The following CADM2 variants were observed in gnomAD, a reference collection of about 807,000 sequenced individuals.
CADM2 encodes immunoglobulin superfamily member 4D.
A neutral mutation model predicts 49.8 loss-of-function variants in CADM2; 12 were observed. The ratio of observed to expected loss-of-function variants is 0.24; its 90% confidence interval spans 0.15 to 0.39. CADM2 has a LOEUF of 0.39. Ranked by LOEUF, CADM2 falls within the 10% of genes least tolerant of loss-of-function variation. CADM2 has a pLI of 1.00. For synonymous variants in CADM2, 214 were observed against 175.4 expected (o/e 1.22, Z -1.74); for missense variants, 378 against 492.3 (o/e 0.77, Z 2.20).
chr3:85,941,557 G>A (rs1375609909), intron 7 of CADM2, among the ~76,000 whole-genome samples: 1 of 151,998 alleles, frequency 6.6e-6, no homozygotes, highest in Non-Finnish European at 1.5e-5. Context: ...ATCCAAAATA[G>A]TTAAAACGAG....
At chr3:85,999,430 G>A (rs1729864835) in intron 8 of CADM2, among the ~76,000 whole-genome samples, 1 of 151,844 alleles carries the variant, frequency 6.6e-6, no homozygotes, top group Non-Finnish European at 1.5e-5. Flanking sequence ...ACTTGAACCC[G>A]GGAGGTGAAG....
intron 2 of CADM2, among the ~76,000 whole-genome samples, chr3:85,747,329 A>C (rs539057294): frequency 6.6e-6 from 1 of 152,162 alleles, no homozygotes; most frequent in Non-Finnish European, 1.5e-5. Flanking sequence ...ATGATCACCT[A>C]TGAATAGTTA....
At chr3:85,400,207 C>A (rs966157008) in intron 1 of CADM2, among the ~76,000 whole-genome samples, 13 of 152,100 alleles carry the variant, frequency 8.5e-5, no homozygotes, top group African/African-American at 2.4e-4. Flanking sequence ...TTGAGATAAT[C>A]ATGTGGTTTT....
intron 1 of CADM2, among the ~76,000 whole-genome samples, chr3:85,319,278 A>G (rs1489528912): frequency 1.3e-5 from 2 of 152,196 alleles, no homozygotes; most frequent in Non-Finnish European, 2.9e-5. Context: ...AATGGCTATT[A>G]AAAAGTCAAA....
At chr3:85,940,560 T>A (rs533965394) in intron 7 of CADM2, among the ~76,000 whole-genome samples, 1 of 152,256 alleles carries the variant, frequency 6.6e-6, no homozygotes, top group African/African-American at 2.4e-5. Flanking sequence ...AATATTAATC[T>A]ATAATAGCAA....
chr3:85,222,436 G>C (rs1325130926), intron 1 of CADM2, among the ~76,000 whole-genome samples: 1 of 152,158 alleles, frequency 6.6e-6, no homozygotes, highest in Non-Finnish European at 1.5e-5. Flanking sequence ...CCTTGGAGCT[G>C]CACTGGATTT....
chr3:85,363,108 C>G (rs552464366), intron 1 of CADM2, among the ~76,000 whole-genome samples: 1 of 152,236 alleles, frequency 6.6e-6, no homozygotes, highest in African/African-American at 2.4e-5. Flanking sequence ...AATCGCCGGG[C>G]TACACAGCAC....
At chr3:85,964,414 C>T (rs1028833020) in intron 8 of CADM2, among the ~76,000 whole-genome samples, 1 of 150,896 alleles carries the variant, frequency 6.6e-6, no homozygotes, top group Non-Finnish European at 1.5e-5. Context: ...AAATCATCTA[C>T]TATCTGGATG....
intron 2 of CADM2, among the ~76,000 whole-genome samples, chr3:85,794,138 A>G (rs1271427894): frequency 6.6e-6 from 1 of 152,116 alleles, no homozygotes; most frequent in Non-Finnish European, 1.5e-5. Flanking sequence ...TTATAATTTT[A>G]AAAAGTCTTA....
chr3:85,307,833 GTTAT>G (rs2044249669), intron 1 of CADM2, among the ~76,000 whole-genome samples: 1 of 150,186 alleles, frequency 6.7e-6, no homozygotes, highest in Non-Finnish European at 1.5e-5. Flanking sequence ...CAAATATATT[GTTAT>G]TTGTTTCACA....
intron 5 of CADM2, among the ~76,000 whole-genome samples, chr3:85,908,424 C>A (rs1717101429): frequency 6.6e-6 from 1 of 151,374 alleles, no homozygotes; most frequent in Non-Finnish European, 1.5e-5. Flanking sequence ...TTCTACAATC[C>A]AGATTTTATA....
chr3:85,194,654 G>C (rs1337063348), intron 1 of CADM2, among the ~76,000 whole-genome samples: 1 of 151,978 alleles, frequency 6.6e-6, no homozygotes, highest in Non-Finnish European at 1.5e-5. Context: ...CTAGGTCATA[G>C]AATCTGTGGC....
intron 1 of CADM2, among the ~76,000 whole-genome samples, chr3:85,078,348 G>C (rs2037029634): frequency 6.6e-6 from 1 of 151,884 alleles, no homozygotes; most frequent in Admixed American, 6.6e-5. Context: ...TAAATAAACT[G>C]TTCCTGCTAC....
chr3:86,030,240 A>G (rs970443222), intron 8 of CADM2, among the ~76,000 whole-genome samples: 1 of 152,034 alleles, frequency 6.6e-6, no homozygotes, highest in Non-Finnish European at 1.5e-5. Flanking sequence ...TGTGAGTTAT[A>G]GTAATATTTA....
At chr3:85,924,407 T>C (rs913590878) in intron 6 of CADM2, among the ~76,000 whole-genome samples, 18 of 151,818 alleles carry the variant, frequency 1.2e-4, no homozygotes, top group African/African-American at 3.9e-4. Context: ...CTGGCCAACA[T>C]GGAGGAAACC....
chr3:85,447,992 C>T (rs2037550342), intron 1 of CADM2, among the ~76,000 whole-genome samples: 1 of 152,004 alleles, frequency 6.6e-6, no homozygotes, highest in South Asian at 2.1e-4. Flanking sequence ...AAGCAAAACA[C>T]ACACAAAAAG....
chr3:85,616,923 G>C (rs867109778), intron 1 of CADM2, among the ~76,000 whole-genome samples: 41 of 152,180 alleles, frequency 2.7e-4, no homozygotes, highest in South Asian at 1.5e-3. Flanking sequence ...CAAAGTCTAG[G>C]TACATTTAGC....
At chr3:85,826,820 G>A (rs909637996) in intron 3 of CADM2, among the ~76,000 whole-genome samples, 7 of 151,834 alleles carry the variant, frequency 4.6e-5, no homozygotes, top group African/African-American at 1.5e-4. Flanking sequence ...TTTGTTAAAC[G>A]GAGAGCTCTG....
chr3:85,067,180 T>TGGG (rs2036557158), intron 1 of CADM2, among the ~76,000 whole-genome samples: 1 of 152,124 alleles, frequency 6.6e-6, no homozygotes, highest in African/African-American at 2.4e-5. Context: ...ATGTTCATAA[T>TGGG]ATTAAATATT....
Sources: gnomAD v4.1 joint callset for allele counts (sites outside exome capture counted in the v4.1 genomes callset) on GRCh38, gnomAD v4.1.1 for gene constraint, MANE v1.5 for transcripts, NCBI Gene and HGNC (gene_info 2026-07-23, HGNC 2026-07-21) for gene names.